MLLT10: variants seen among roughly 807,000 people sequenced by gnomAD.
MLLT10 encodes MLLT10 histone lysine methyltransferase DOT1L cofactor.
In MLLT10, 30 loss-of-function variants were observed where a neutral mutation model predicts 129.1. The observed-to-expected ratio is 0.23, with a 90% CI of 0.17 to 0.32. The LOEUF is 0.32. MLLT10 is among the 10% of genes least tolerant of loss of function. The pLI is 1.00. For missense variants in MLLT10, 1,119 were observed against 1,268.3 expected, an observed-to-expected ratio of 0.88 and a Z score of 1.79; for synonymous variants, 490 against 446.4, an observed-to-expected ratio of 1.10 and a Z score of -1.23.
chr10:21,637,898 C>A (rs1364287211), intron 8 of MLLT10, among the ~76,000 whole-genome samples: 3 of 152,162 alleles, frequency 2.0e-5, no homozygotes, highest in African/African-American at 4.8e-5. Context: ...CCTGCTCTTA[C>A]TAGCCTTTTT....
chr10:21,725,133 G>A (rs1348731444), intron 14 of MLLT10, among the ~76,000 whole-genome samples: 2 of 152,202 alleles, frequency 1.3e-5, no homozygotes, highest in Admixed American at 1.3e-4. Flanking sequence ...ATAGTGTGCA[G>A]GTTTTACTAA....
At chr10:21,657,211 G>A (rs2049680698) in intron 9 of MLLT10, among the ~76,000 whole-genome samples, 1 of 151,996 alleles carries the variant, frequency 6.6e-6, no homozygotes, top group African/African-American at 2.4e-5. Context: ...GGCCAACATG[G>A]TGAAACCCTG....
intron 3 of MLLT10, among the ~76,000 whole-genome samples, chr10:21,582,105 T>G (rs1232537109): frequency 6.6e-6 from 1 of 151,978 alleles, no homozygotes; most frequent in African/African-American, 2.4e-5. Flanking sequence ...TATAGTACAT[T>G]GTTATTTTTT....
At chr10:21,693,723 C>G (rs1589678221) in intron 13 of MLLT10, among the ~76,000 whole-genome samples, 1 of 152,224 alleles carries the variant, frequency 6.6e-6, no homozygotes, top group African/African-American at 2.4e-5. Flanking sequence ...TCTCTCCATT[C>G]TTTCTTCTGG....
rs1399610925 is a variant in MLLT10, at chr10:21,735,136, C to T, written c.2859-3C>T. The T allele has an allele frequency of 1.2e-6, 2 of 1,608,298 alleles. No homozygotes were observed. The highest frequency in any genetic ancestry group is 1.1e-5 in the South Asian group (1 of 90,144). On this transcript the variant is annotated splice_polypyrimidine_tract_variant and splice_region_variant and intron_variant, in intron 20 of 22. Transcript: ENST00000307729. ...AAAAGTAAGAATTGTAATCATTTTT[C>T]AGTGCCTCAGGACTAGGATTACTTT...
rs749249629 is a variant in MLLT10 at position 21,741,919 on chromosome 10, G to C, written c.3163-20G>C. 1.2e-4 allele frequency: 198 copies of C among 1,608,126 alleles called. No homozygotes were observed. The highest frequency in any genetic ancestry group is 2.5e-4 in the Admixed American group (15 of 59,096). On this transcript the variant is annotated intron_variant, in intron 22 of 22. Coordinates refer to ENST00000307729, the MANE Select transcript of MLLT10 (RefSeq NM_001195626.3). ...AAAAGTTGATTTAGCTAACGCATCT[G>C]CTCTTTTGTTTACCTGCAGAGACTT...
intron 13 of MLLT10, among the ~76,000 whole-genome samples, chr10:21,693,801 T>C (rs2054108064): frequency 6.6e-6 from 1 of 152,218 alleles, no homozygotes; most frequent in South Asian, 2.1e-4. Flanking sequence ...GTAATTTCCA[T>C]TTTTTAAATC....
Position 21,740,091 on chromosome 10 carries a change from C to G in MLLT10, c.3017C>G (p.Pro1006Arg), listed in dbSNP as rs756545174. The change falls in exon 22 of 23, where the codon CCT becomes CGT. Residue 1006 changes from proline (P) to arginine (R), a missense_variant. This residue lies in a region of MLLT10 where 1,004 missense variants were observed against 1,008.7 expected (regional missense o/e 1.00). Coordinates refer to ENST00000307729, the MANE Select transcript of MLLT10 (RefSeq NM_001195626.3). ...CATCACCACCAGCAGCACCACCAAC[C>G]TGAACTTCAGCAGCTGCAGATCCCT... ...MQHHHQQHHQ[P>R]ELQQLQIPGP... 8 of 1,614,086 alleles carry G rather than the reference C, an allele frequency of 5.0e-6. No individual in the cohort carries two copies. Among genetic ancestry groups the G allele is most frequent in the Non-Finnish European group, 5.1e-6 (6 of 1,180,002 alleles).
At chr10:21,615,394 T>C (rs1046822255) in intron 7 of MLLT10, among the ~76,000 whole-genome samples, 1 of 146,314 alleles carries the variant, frequency 6.8e-6, no homozygotes, top group Admixed American at 7.0e-5. Context: ...GAGGTGGAGG[T>C]TGCAGTGAGC....
chr10:21,662,620 TATC>T (rs757998601), intron 9 of MLLT10, among the ~76,000 whole-genome samples: 1 of 152,216 alleles, frequency 6.6e-6, no homozygotes, highest in Non-Finnish European at 1.5e-5. Context: ...TTAAATTCCT[TATC>T]ATATTAATTA....
intron 5 of MLLT10, among the ~76,000 whole-genome samples, chr10:21,611,713 CA>C (rs1204868557): frequency 6.6e-6 from 1 of 152,106 alleles, no homozygotes; most frequent in Non-Finnish European, 1.5e-5. Context: ...AGATGTCAGT[CA>C]AAGTTTCTCG....
chr10:21,655,334 G>C (rs900796974), intron 9 of MLLT10, among the ~76,000 whole-genome samples: 2 of 152,198 alleles, frequency 1.3e-5, no homozygotes, highest in African/African-American at 4.8e-5. Context: ...TGAATACTAA[G>C]TATTTTAGGT....
intron 9 of MLLT10, among the ~76,000 whole-genome samples, chr10:21,663,721 C>A (rs751608255): frequency 6.6e-6 from 1 of 152,128 alleles, no homozygotes. Flanking sequence ...CCTGCCACCC[C>A]ACCTGGGTAA....
chr10:21,629,468 G>A (rs1277871819), intron 8 of MLLT10, among the ~76,000 whole-genome samples: 1 of 152,014 alleles, frequency 6.6e-6, no homozygotes, highest in East Asian at 1.9e-4. Flanking sequence ...GATCATTGGG[G>A]GCATGGAGGC....
intron 3 of MLLT10, among the ~76,000 whole-genome samples, chr10:21,584,860 G>A (rs1260484564): frequency 6.6e-6 from 1 of 151,236 alleles, no homozygotes; most frequent in Non-Finnish European, 1.5e-5. Flanking sequence ...ATACGTATGT[G>A]TGTATGTACG....
chr10:21,634,387 G>A (rs1272121605), intron 8 of MLLT10, among the ~76,000 whole-genome samples: 2 of 152,148 alleles, frequency 1.3e-5, no homozygotes, highest in Non-Finnish European at 2.9e-5. Context: ...GAAATACCAC[G>A]TAGATGATGT....
rs1285654926 is a variant in MLLT10, at chr10:21,704,357, C to A, written c.1700-9415C>A. On this transcript the variant is annotated intron_variant, in intron 13 of 22. Coordinates refer to ENST00000307729, the MANE Select transcript of MLLT10 (RefSeq NM_001195626.3). Reference sequence around the variant, plus strand: ...TCTCTCTCTCTCTCTCTCTCTCTCTCTATATATATATATATATATATATAT... The same window carrying A: ...TCTCTCTCTCTCTCTCTCTCTCTCTATATATATATATATATATATATATAT... 6.6e-3 allele frequency among the ~76,000 whole-genome samples: 739 copies of A among 111,840 alleles called. 3 individuals carry two copies. Among genetic ancestry groups the A allele is most frequent in the African/African-American group, 0.019 (529 of 27,588 alleles). The allele number at this position is 111,840 out of a possible 152,430, so 73.4% of individuals were successfully genotyped here.
intron 4 of MLLT10, among the ~76,000 whole-genome samples, chr10:21,592,462 T>C (rs540409132): frequency 3.9e-5 from 6 of 151,910 alleles, no homozygotes; most frequent in South Asian, 4.2e-4. Flanking sequence ...TTGTTTGTTT[T>C]TGTTTTTTTT....
chr10:21,560,458 C>T (rs944412550), intron 3 of MLLT10, among the ~76,000 whole-genome samples: 2 of 152,112 alleles, frequency 1.3e-5, no homozygotes, highest in African/African-American at 4.8e-5. Flanking sequence ...GTTTTTGAGA[C>T]AGGGTCTAGT....
Sources: allele counts gnomAD v4.1 joint callset (sites outside exome capture counted in the v4.1 genomes callset), GRCh38; gene constraint gnomAD v4.1.1; regional missense constraint gnomAD v4.1.1; transcripts MANE v1.5; gene names NCBI Gene and HGNC (gene_info 2026-07-23, HGNC 2026-07-21).